Variants in LRRC49 observed in about 807,000 individuals in gnomAD.
LRRC49 encodes the protein leucine-rich repeat-containing protein 49.
LRRC49 carries 50 observed loss-of-function variants against 83.3 expected under a neutral mutation model. The observed-to-expected ratio is 0.60, with a 90% CI of 0.48 to 0.76. LRRC49 has a LOEUF of 0.76. Among genes scored for constraint, LRRC49 ranks in the 30% least tolerant of loss-of-function variants. LRRC49 has a pLI of 0.00. For synonymous variants in LRRC49, 286 were observed against 283.3 expected (o/e 1.01, Z -0.10); for missense variants, 704 against 809.1 (o/e 0.87, Z 1.58).
At position 71,001,840 on chromosome 15, in the gene LRRC49, C is replaced by T. The variant is rs1288314287; in HGVS notation, c.1170-6539C>T. Among the ~76,000 whole-genome samples the T allele has an allele frequency of 5.9e-5, 9 of 151,982 alleles. No homozygotes were observed. The East Asian group carries it at 9.7e-4, about 16-fold the overall frequency. ...CTGAGTAGCTGGGACTACAGGTGCC[C>T]GCCACCACGCCCGGTTAATTTTTTG... On this transcript the variant is annotated intron_variant, in intron 11 of 15. Coordinates refer to ENST00000260382, the MANE Select transcript of LRRC49 (RefSeq NM_017691.5).
At chr15:70,971,965 G>A (rs2037021209) in intron 9 of LRRC49, among the ~76,000 whole-genome samples, 1 of 152,000 alleles carries the variant, frequency 6.6e-6, no homozygotes, top group African/African-American at 2.4e-5. Context: ...TTTAACTGGG[G>A]CATTTAGCCC....
At chr15:70,962,081 G>T (rs2036620816) in intron 8 of LRRC49, among the ~76,000 whole-genome samples, 1 of 152,184 alleles carries the variant, frequency 6.6e-6, no homozygotes, top group South Asian at 2.1e-4. Context: ...TTGTACTTTA[G>T]TTGATAAAGT....
intron 14 of LRRC49, among the ~76,000 whole-genome samples, chr15:71,018,391 C>T (rs186094152): frequency 1.1e-4 from 17 of 152,168 alleles, no homozygotes; most frequent in Non-Finnish European, 1.0e-4. Flanking sequence ...CTATTTCTGA[C>T]AATGATGAGT....
At chr15:70,975,230 G>A (rs2037164365) in intron 9 of LRRC49, among the ~76,000 whole-genome samples, 1 of 152,066 alleles carries the variant, frequency 6.6e-6, no homozygotes, top group African/African-American at 2.4e-5. Context: ...AAGACATAAG[G>A]AAGATATCCC....
At chr15:70,945,308 T>C (rs987666358) in intron 8 of LRRC49, among the ~76,000 whole-genome samples, 1 of 152,214 alleles carries the variant, frequency 6.6e-6, no homozygotes, top group African/African-American at 2.4e-5. Flanking sequence ...CCTGAGCTAG[T>C]CAACATCTGC....
At chr15:70,873,298 T>A in intron 2 of LRRC49, 5 of 1,403,422 alleles carry the variant, frequency 3.6e-6, no homozygotes, top group Non-Finnish European at 4.9e-6. Flanking sequence ...AACTAAAACA[T>A]CATATACGGT....
Position 71,049,609 on chromosome 15 carries a change from A to G in LRRC49, c.2058A>G (p.Lys686=). 6.3e-7 allele frequency: 1 copy of G among 1,599,486 alleles called. No homozygotes were observed. The highest frequency in any genetic ancestry group is 8.5e-7 in the Non-Finnish European group (1 of 1,175,706). ...KLCLQQITDQ[K] is the part of the protein sequence containing the mutation. ...GCCTACAGCAGATAACAGACCAAAAATAAAAATGGCCTTTAGTTACAGTTG... is the reference window on the plus strand; with the variant it reads ...GCCTACAGCAGATAACAGACCAAAAGTAAAAATGGCCTTTAGTTACAGTTG... The change falls in exon 16 of 16, where the codon AAA becomes AAG. Residue 686 remains lysine (K), a synonymous_variant. Transcript: ENST00000260382.
At chr15:70,873,151 T>C (rs1419450344) in exon 2 of LRRC49, 2 of 1,497,856 alleles carry the variant, frequency 1.3e-6, no homozygotes, top group South Asian at 1.2e-5. Flanking sequence ...TCCCAAAGTG[T>C]TGGGATTACA....
At chr15:71,026,713 G>A (rs1329724086) in intron 14 of LRRC49, among the ~76,000 whole-genome samples, 2 of 152,022 alleles carry the variant, frequency 1.3e-5, no homozygotes, top group Non-Finnish European at 2.9e-5. Flanking sequence ...TTTTTTTCAT[G>A]TGTTTGTTGG....
At chr15:70,959,536 GGGAA>G (rs375526332) in intron 8 of LRRC49, among the ~76,000 whole-genome samples, 6,935 of 79,262 alleles carry the variant, frequency 0.087, 348 homozygotes, top group Middle Eastern at 0.096. Context: ...GAGGAAAGGA[GGGAA>G]GGAAGGAAGG....
intron 2 of LRRC49, among the ~76,000 whole-genome samples, chr15:70,883,675 G>T (rs1162763653): frequency 6.7e-6 from 1 of 149,918 alleles, no homozygotes; most frequent in African/African-American, 2.5e-5. Flanking sequence ...TGAGACAGGG[G>T]TCTCCCTCTG....
In LRRC49 at chr15:71,050,404, T is replaced by C. The variant is rs572405722; in HGVS notation, c.*792T>C. ...TGCTCTTTTAATAGACATGCATGTG[T>C]ACCTGTGTCTCAGAAGTATTAGGGA... On this transcript the variant is annotated 3_prime_UTR_variant, in exon 16 of 16. Transcript: ENST00000260382. 6.6e-6 allele frequency: 1 copy of C among 152,222 alleles called. No homozygotes were observed. Among genetic ancestry groups the C allele is most frequent in the Non-Finnish European group, 1.5e-5 (1 of 68,040 alleles). The allele number at this position is 152,222 out of a possible 1,614,324, so 9.4% of individuals were successfully genotyped here. A position where few individuals can be genotyped will look rare whatever the true frequency, so the allele number is the denominator to read the frequency against.
chr15:71,002,725 CG>C (rs2038304482), intron 11 of LRRC49, among the ~76,000 whole-genome samples: 1 of 151,758 alleles, frequency 6.6e-6, no homozygotes. Flanking sequence ...AAGAATCTTC[CG>C]AAATATTTTA....
intron 6 of LRRC49, among the ~76,000 whole-genome samples, chr15:70,917,663 C>T (rs1314062014): frequency 2.0e-5 from 3 of 152,138 alleles, no homozygotes; most frequent in African/African-American, 7.2e-5. Context: ...GAGGAGCTAC[C>T]CTCTCTGCTA....
chr15:71,022,967 A>G (rs1187888838), intron 14 of LRRC49, among the ~76,000 whole-genome samples: 6 of 152,258 alleles, frequency 3.9e-5, no homozygotes, highest in Admixed American at 3.3e-4. Flanking sequence ...TCTATTCAAA[A>G]TGTGGTCAAT....
intron 6 of LRRC49, among the ~76,000 whole-genome samples, chr15:70,916,944 G>T (rs1044432346): frequency 6.6e-6 from 1 of 152,166 alleles, no homozygotes. Context: ...TCACTCTCCC[G>T]ACAGGTTCTG....
At chr15:70,855,055 C>A (rs1477406475) in intron 1 of LRRC49, among the ~76,000 whole-genome samples, 2 of 152,076 alleles carry the variant, frequency 1.3e-5, no homozygotes, top group Admixed American at 6.6e-5. Flanking sequence ...TAAGACCGGC[C>A]GGGCGCAGTG....
In LRRC49 at chr15:70,900,355, G is replaced by T. The variant is rs753651939; in HGVS notation, c.194-567G>T. On this transcript the variant is annotated intron_variant, in intron 3 of 15. Transcript: ENST00000260382. Reference sequence around the variant, plus strand: ...CTTGGCAATATTCTCTACTAATAGTGGCTGAACTTACAAAGAAAGAGATGA... The same window carrying T: ...CTTGGCAATATTCTCTACTAATAGTTGCTGAACTTACAAAGAAAGAGATGA... 81 of 412,990 alleles carry T rather than the reference G, an allele frequency of 2.0e-4. 1 individual carries two copies. The highest frequency in any genetic ancestry group is 3.1e-4 in the Non-Finnish European group (64 of 207,390). The allele number at this position is 412,990 out of a possible 1,614,324, so 25.6% of individuals were successfully genotyped here.
At chr15:70,990,754 G>A (rs1216357857) in intron 11 of LRRC49, among the ~76,000 whole-genome samples, 1 of 152,224 alleles carries the variant, frequency 6.6e-6, no homozygotes, top group Admixed American at 6.5e-5. Flanking sequence ...GTAGACCGGA[G>A]CTGTTCCTAT....
Sources: gnomAD v4.1 joint callset for allele counts (sites outside exome capture counted in the v4.1 genomes callset) on GRCh38, gnomAD v4.1.1 for gene constraint, MANE v1.5 for transcripts, NCBI Gene and HGNC (gene_info 2026-07-23, HGNC 2026-07-21) for gene names.